Variants in KIAA1217 observed in about 807,000 individuals in gnomAD.
KIAA1217 encodes KIAA1217.
A neutral mutation model predicts 163.9 loss-of-function variants in KIAA1217; 88 were observed. That is an observed-to-expected ratio of 0.54 (90% CI 0.45 to 0.64). KIAA1217 has a LOEUF of 0.64. Among genes scored for constraint, KIAA1217 ranks in the 30% least tolerant of loss-of-function variants. The probability of loss-of-function intolerance (pLI) is 0.00; values close to 1 mark genes in which losing one functional copy is unlikely to be tolerated. For synonymous variants in KIAA1217, 903 were observed against 923.1 expected (o/e 0.98, Z 0.39); for missense variants, 2,372 against 2,475.0 (o/e 0.96, Z 0.88).
At chr10:23,766,022 G>A (rs1218065582) in intron 1 of KIAA1217, among the ~76,000 whole-genome samples, 1 of 152,222 alleles carries the variant, frequency 6.6e-6, no homozygotes, top group African/African-American at 2.4e-5. Context: ...ACTTGAAGGT[G>A]ATTTGCAGGC....
At chr10:24,211,885 C>G (rs1263127637) in intron 1 of KIAA1217, among the ~76,000 whole-genome samples, 1 of 151,626 alleles carries the variant, frequency 6.6e-6, no homozygotes, top group South Asian at 2.1e-4. Context: ...GAGACCCCAT[C>G]TCTAGAAAAA....
chr10:23,790,034 C>G (rs565532064), intron 1 of KIAA1217, among the ~76,000 whole-genome samples: 1 of 123,084 alleles, frequency 8.1e-6, no homozygotes, highest in Non-Finnish European at 1.6e-5. Context: ...TGCATATACA[C>G]ATATACATAT....
chr10:23,789,399 C>T lies in KIAA1217; in HGVS notation c.-321+94165C>T, dbSNP rs78519023. 6.3e-3 allele frequency among the ~76,000 whole-genome samples: 955 copies of T among 152,234 alleles called. 3 individuals are homozygous for T. Among genetic ancestry groups the T allele is most frequent in the African/African-American group, 0.019 (769 of 41,546 alleles). ...CATATCGTGCAGAATCTGCCATGAA[C>T]GCAGGCTCTAGAATCAAATATTGTT... On this transcript the variant is annotated intron_variant, in intron 1 of 18. Coordinates refer to the KIAA1217 transcript ENST00000376462.
intron 1 of KIAA1217, among the ~76,000 whole-genome samples, chr10:23,941,637 A>G (rs1843772657): frequency 6.6e-6 from 1 of 152,204 alleles, no homozygotes; most frequent in Non-Finnish European, 1.5e-5. Flanking sequence ...ACATATTTGC[A>G]TAAAAAATCC....
At position 23,790,543 on chromosome 10, in the gene KIAA1217, GCATATATA is replaced by G. The variant is rs1333499640; in HGVS notation, c.-321+95315_-321+95322del. ...TATATACATATATACATATACATGT[GCATATATA>G]CATATGTACATATGTATATATACAT... On this transcript the variant is annotated intron_variant, in intron 1 of 18. Transcript: ENST00000376462. 5.0e-5 allele frequency among the ~76,000 whole-genome samples: 5 copies of G among 99,580 alleles called. 1 individual carries two copies. The East Asian group carries it at 7.1e-4, about 14-fold the overall frequency. The allele number at this position is 99,580 out of a possible 152,430, so 65.3% of individuals were successfully genotyped here.
At chr10:24,498,272 T>C (rs147917602) in intron 8 of KIAA1217, among the ~76,000 whole-genome samples, 33 of 152,048 alleles carry the variant, frequency 2.2e-4, no homozygotes, top group African/African-American at 7.5e-4. Context: ...AGAAAAGAGA[T>C]TGACCAAGAC....
At chr10:24,048,041 G>A (rs1849170171) in intron 2 of KIAA1217, among the ~76,000 whole-genome samples, 1 of 152,142 alleles carries the variant, frequency 6.6e-6, no homozygotes, top group Admixed American at 6.6e-5. Flanking sequence ...TATTGATTAT[G>A]TGCCTTTCTT....
At chr10:23,827,500 A>G (rs926194116) in intron 1 of KIAA1217, among the ~76,000 whole-genome samples, 7 of 152,208 alleles carry the variant, frequency 4.6e-5, no homozygotes, top group Admixed American at 1.3e-4. Context: ...ACCCATTCTT[A>G]ATGCTTCCTT....
chr10:24,172,401 T>C (rs900894421), intron 2 of KIAA1217, among the ~76,000 whole-genome samples: 1 of 152,172 alleles, frequency 6.6e-6, no homozygotes, highest in Non-Finnish European at 1.5e-5. Flanking sequence ...AGTAACAATT[T>C]TGAGAAGCAG....
intron 1 of KIAA1217, among the ~76,000 whole-genome samples, chr10:23,799,773 G>A (rs952902700): frequency 6.6e-6 from 1 of 152,108 alleles, no homozygotes; most frequent in African/African-American, 2.4e-5. Context: ...GAGAAACCTA[G>A]CAGCTGCCAT....
intron 1 of KIAA1217, among the ~76,000 whole-genome samples, chr10:23,732,079 T>C (rs1172975556): frequency 6.6e-6 from 1 of 152,130 alleles, no homozygotes; most frequent in Non-Finnish European, 1.5e-5. Flanking sequence ...CTGGTTTTGG[T>C]ATTAGGATAA....
At chr10:24,117,188 C>T (rs2063092882) in intron 2 of KIAA1217, among the ~76,000 whole-genome samples, 1 of 152,070 alleles carries the variant, frequency 6.6e-6, no homozygotes, top group South Asian at 2.1e-4. Flanking sequence ...CAGGCATGTA[C>T]CACCATGCCC....
At chr10:24,248,003 G>C (rs1590204923) in intron 2 of KIAA1217, among the ~76,000 whole-genome samples, 2 of 152,194 alleles carry the variant, frequency 1.3e-5, no homozygotes, top group African/African-American at 4.8e-5. Flanking sequence ...TTTCAAGGGA[G>C]GCCAGCAGTT....
At chr10:24,152,891 A>C (rs2064686928) in intron 2 of KIAA1217, among the ~76,000 whole-genome samples, 1 of 152,222 alleles carries the variant, frequency 6.6e-6, no homozygotes, top group Non-Finnish European at 1.5e-5. Flanking sequence ...AGGAATACAT[A>C]AGTCTTAAAT....
Position 24,531,905 on chromosome 10 carries a change from G to A in KIAA1217, c.3158G>A (p.Arg1053His), listed in dbSNP as rs755218204. 21 of 1,610,448 alleles carry A rather than the reference G, an allele frequency of 1.3e-5. No homozygotes were observed. The highest frequency in any genetic ancestry group is 2.2e-5 in the East Asian group (1 of 44,784). ...CCCCCTCCTCCTCCGCCACCTCCTCGTCGAAGCTACCTGCCAGGATCGGGA... is the reference window on the plus strand; with the variant it reads ...CCCCCTCCTCCTCCGCCACCTCCTCATCGAAGCTACCTGCCAGGATCGGGA... ...KSPPPPPPPP[R>H]RSYLPGSGLT... Residue 1053 changes from arginine to histidine, a missense_variant, in exon 15 of 21, where the codon CGT becomes CAT. Physicochemically the swap from Arg to His is conservative, Grantham distance 29. Transcript: ENST00000376454.
chr10:24,012,711 A>G (rs950652715), intron 2 of KIAA1217, among the ~76,000 whole-genome samples: 1 of 152,198 alleles, frequency 6.6e-6, no homozygotes. Flanking sequence ...TATAATGCCT[A>G]TTATAGTGAA....
chr10:24,003,727 A>G (rs1846859321), intron 1 of KIAA1217, among the ~76,000 whole-genome samples: 1 of 152,212 alleles, frequency 6.6e-6, no homozygotes, highest in Non-Finnish European at 1.5e-5. Flanking sequence ...TTAATGTGTC[A>G]CTTTGAATCA....
chr10:24,345,644 G>A (rs2047635640), intron 2 of KIAA1217, among the ~76,000 whole-genome samples: 1 of 152,148 alleles, frequency 6.6e-6, no homozygotes, highest in South Asian at 2.1e-4. Context: ...ACACAAATAA[G>A]AAGCTTAGAA....
At chr10:24,263,347 T>C (rs1428423691) in intron 2 of KIAA1217, among the ~76,000 whole-genome samples, 4 of 152,156 alleles carry the variant, frequency 2.6e-5, no homozygotes, top group Non-Finnish European at 2.9e-5. Context: ...TCATGGGGGC[T>C]GGGGGAAGGC....
Sources: gnomAD v4.1 joint callset for allele counts (sites outside exome capture counted in the v4.1 genomes callset) on GRCh38, gnomAD v4.1.1 for gene constraint, MANE v1.5 for transcripts, NCBI Gene and HGNC (gene_info 2026-07-23, HGNC 2026-07-21) for gene names.